WDR44: variants seen among roughly 807,000 people sequenced by gnomAD.
WDR44 encodes WD repeat domain 44.
Under a neutral mutation model 65.7 loss-of-function variants are expected in WDR44, and 9 were observed. The ratio of observed to expected loss-of-function variants is 0.14; its 90% confidence interval spans 0.08 to 0.24. The LOEUF is 0.24. WDR44 is among the 10% of genes least tolerant of loss of function. The probability of loss-of-function intolerance (pLI) is 1.00; values close to 1 mark genes in which losing one functional copy is unlikely to be tolerated. For synonymous variants in WDR44, 220 were observed against 235.2 expected (o/e 0.94, Z 0.59); for missense variants, 425 against 670.9 (o/e 0.63, Z 4.05).
rs772768184 is a variant in WDR44, at chrX:118,396,964, C to A, written c.1054-6C>A. The stretch of plus-strand genomic sequence containing the variant: ...TGGTGTGATTGTTTTTTTTTTTTAA[C>A]CTCAGGAAATTTTAGCCAGTGTAAT... On this transcript the variant is annotated splice_region_variant and splice_polypyrimidine_tract_variant and intron_variant, in intron 6 of 19. Coordinates refer to ENST00000254029, the MANE Select transcript of WDR44 (RefSeq NM_019045.5). The A allele has an allele frequency of 8.7e-7, 1 of 1,145,908 alleles. No homozygotes were observed. The highest frequency in any genetic ancestry group is 1.2e-6 in the Non-Finnish European group (1 of 868,153). 94.4% of individuals were successfully genotyped at this position (1,145,908 alleles called of 1,213,427 possible).
rs1213083479 is a variant in WDR44, at chrX:118,438,797, G to GTTTTTTTTTTTTT, written c.1974+1982_1974+1994dup. 1.6e-3 allele frequency among the ~76,000 whole-genome samples: 102 copies of GTTTTTTTTTTTTT among 64,040 alleles called. 4 individuals are homozygous for GTTTTTTTTTTTTT. Among genetic ancestry groups the GTTTTTTTTTTTTT allele is most frequent in the African/African-American group, 5.0e-3 (89 of 17,639 alleles). The allele number at this position is 64,040 out of a possible 115,157, so 55.6% of individuals were successfully genotyped here. A position where few individuals can be genotyped will look rare whatever the true frequency, so the allele number is the denominator to read the frequency against. Reference sequence around the variant, plus strand: ...TTTATTAAACTTTCTGTTCAGCCATGTTTTTTTTTTTTTTTTTTTTTGAAG... The same window carrying GTTTTTTTTTTTTT: ...TTTATTAAACTTTCTGTTCAGCCATGTTTTTTTTTTTTTTTTTTTTTTTTTTTTTTTTTTGAAG... On this transcript the variant is annotated intron_variant, in intron 14 of 19. Transcript: ENST00000254029.
At chrX:118,399,137 A>G (rs985462749) in intron 8 of WDR44, among the ~76,000 whole-genome samples, 2 of 111,799 alleles carry the variant, frequency 1.8e-5, no homozygotes, top group African/African-American at 6.5e-5. Context: ...GTCCATGGCA[A>G]TTTTCTTTCT....
intron 11 of WDR44, 121 bp downstream of exon 11, chrX:118,409,748 C>T (rs2056997573): frequency 1.2e-5 from 9 of 729,007 alleles, no homozygotes; most frequent in Non-Finnish European, 1.5e-5. Context: ...TAGCCAAAAA[C>T]TTGAAAGTAA....
At chrX:118,403,323 T>G (rs2056936081) in intron 8 of WDR44, among the ~76,000 whole-genome samples, 1 of 111,685 alleles carries the variant, frequency 9.0e-6, no homozygotes, top group Non-Finnish European at 1.9e-5. Context: ...CTGTTTGATC[T>G]GAGACCTAAA....
chrX:118,380,287 A>G lies in WDR44; in HGVS notation c.111+1835A>G, dbSNP rs189377104. On this transcript the variant is annotated intron_variant, in intron 2 of 19. Transcript: ENST00000254029. ...CAATGCGAGTGTATAGTTCTGCGCC[A>G]ATTTATCATGTGTATATTTGTATAA... Among the ~76,000 whole-genome samples, 379 of 110,851 alleles carry G rather than the reference A, an allele frequency of 3.4e-3. 1 individual carries two copies. Among genetic ancestry groups the G allele is most frequent in the African/African-American group, 0.012 (366 of 30,200 alleles).
intron 1 of WDR44, among the ~76,000 whole-genome samples, chrX:118,364,279 T>G (rs1001554456): frequency 1.3e-4 from 14 of 111,982 alleles, no homozygotes; most frequent in African/African-American, 4.5e-4. Flanking sequence ...TAGTGTAAAT[T>G]TATTTAGTGT....
intron 2 of WDR44, among the ~76,000 whole-genome samples, chrX:118,386,734 T>A (rs560056451): frequency 2.9e-4 from 33 of 111,961 alleles, no homozygotes; most frequent in African/African-American, 1.0e-3. Flanking sequence ...TCCATTACAG[T>A]TTTTTAATGT....
chrX:118,392,984 C>G lies in WDR44; in HGVS notation c.539C>G (p.Ala180Gly). 1 of 1,212,035 alleles carries G rather than the reference C, an allele frequency of 8.3e-7. No individual in the cohort carries two copies. The highest frequency in any genetic ancestry group is 1.1e-6 in the Non-Finnish European group (1 of 895,599). ...GAAACAGAAGTATTGAACAAGGAAGCAGTGGAAGTCAAAGGAGGTGGTGAT... is the reference window on the plus strand; with the variant it reads ...GAAACAGAAGTATTGAACAAGGAAGGAGTGGAAGTCAAAGGAGGTGGTGAT... ...ETETEVLNKEAVEVKGGGDVL... is the reference protein window; with the variant it reads ...ETETEVLNKEGVEVKGGGDVL... The change falls in exon 4 of 20, where the codon GCA becomes GGA. Residue 180 changes from alanine to glycine, a missense_variant. Physicochemically the swap from Ala to Gly is moderately conservative, Grantham distance 60. Around this residue, in one of 5 missense-constraint regions of WDR44, gnomAD observed 193 missense variants for 209.0 expected, o/e 0.92. Coordinates refer to ENST00000254029, the MANE Select transcript of WDR44 (RefSeq NM_019045.5).
intron 14 of WDR44, among the ~76,000 whole-genome samples, chrX:118,438,971 AGATAG>A (rs1229109358): frequency 9.3e-6 from 1 of 107,083 alleles, no homozygotes; most frequent in Non-Finnish European, 1.9e-5. Flanking sequence ...TTTTTATTAG[AGATAG>A]AGTTTCACCA....
chrX:118,363,211 A>C (rs2056525321), intron 1 of WDR44, among the ~76,000 whole-genome samples: 1 of 107,319 alleles, frequency 9.3e-6, no homozygotes. Context: ...CAGTCTGGTC[A>C]ACATGGTGAA....
intron 12 of WDR44, among the ~76,000 whole-genome samples, chrX:118,417,347 T>A (rs943303750): frequency 1.8e-5 from 2 of 112,156 alleles, no homozygotes; most frequent in Admixed American, 9.5e-5. Flanking sequence ...GATTTAGAGC[T>A]CGTTTTAGCA....
intron 1 of WDR44, among the ~76,000 whole-genome samples, chrX:118,368,482 C>CA (rs2056575016): frequency 1.9e-5 from 1 of 52,839 alleles, no homozygotes; most frequent in Admixed American, 3.0e-4. Flanking sequence ...TATATATATA[C>CA]TTCTTGAGGA....
At chrX:118,424,385 G>T (rs1207865610) in intron 12 of WDR44, among the ~76,000 whole-genome samples, 1 of 97,359 alleles carries the variant, frequency 1.0e-5, no homozygotes, top group African/African-American at 4.1e-5. Context: ...CAGGTGTGAG[G>T]TGATATATCA....
chrX:118,420,875 A>G (rs1289653445), intron 12 of WDR44, among the ~76,000 whole-genome samples: 3 of 112,425 alleles, frequency 2.7e-5, no homozygotes, highest in Admixed American at 9.5e-5. Context: ...TTATACTGAT[A>G]TTACCATGTC....
intron 14 of WDR44, among the ~76,000 whole-genome samples, chrX:118,438,210 C>G (rs1274524016): frequency 9.0e-6 from 1 of 110,503 alleles, no homozygotes; most frequent in East Asian, 2.9e-4. Flanking sequence ...TTAATTCTTA[C>G]CAGTTTTGAT....
At chrX:118,391,813 G>A (rs957703953) in intron 3 of WDR44, among the ~76,000 whole-genome samples, 3 of 111,063 alleles carry the variant, frequency 2.7e-5, no homozygotes, top group South Asian at 3.8e-4. Flanking sequence ...GTGAAACCTC[G>A]TCTCTACTAA....
chrX:118,369,372 T>C (rs1190762069), intron 1 of WDR44, among the ~76,000 whole-genome samples: 3 of 103,985 alleles, frequency 2.9e-5, no homozygotes, highest in Non-Finnish European at 5.9e-5. Context: ...GGGGTTTCAC[T>C]GTGTTAGCCA....
intron 1 of WDR44, among the ~76,000 whole-genome samples, chrX:118,368,568 C>G (rs1246453279): frequency 9.7e-6 from 1 of 102,985 alleles, no homozygotes; most frequent in East Asian, 3.1e-4. Flanking sequence ...TCTCTTGTTG[C>G]TTCTCCCAGC....
At chrX:118,406,849 G>C in intron 9 of WDR44, 26 bp from the exon 10 acceptor site, 1 of 1,178,020 alleles carries the variant, frequency 8.5e-7, no homozygotes, top group Non-Finnish European at 1.1e-6. Context: ...TTAGCTAGTA[G>C]TGATTTCTGT....
Sources: gnomAD v4.1 joint callset for allele counts (sites outside exome capture counted in the v4.1 genomes callset) on GRCh38, gnomAD v4.1.1 for gene constraint, gnomAD v4.1.1 regional missense constraint, MANE v1.5 for transcripts, NCBI Gene and HGNC (gene_info 2026-07-23, HGNC 2026-07-21) for gene names.